Variants in ERICH3 observed in about 807,000 individuals in gnomAD.
ERICH3 encodes glutamate-rich protein 3.
In ERICH3, 126 loss-of-function variants were observed where a neutral mutation model predicts 131.1. That is an observed-to-expected ratio of 0.96 (90% confidence interval 0.83 to 1.11). ERICH3 has a LOEUF of 1.11. ERICH3 is among the 50% of genes most tolerant of loss of function. The pLI is 0.00. For synonymous variants in ERICH3, 695 were observed against 644.6 expected (o/e 1.08, Z -1.18); for missense variants, 2,050 against 1,810.7 (o/e 1.13, Z -2.40).
At chr1:74,580,951 C>T (rs12567994) in intron 12 of ERICH3, among the ~76,000 whole-genome samples, 12,963 of 152,122 alleles carry the variant, frequency 0.085, 692 homozygotes, top group East Asian at 0.22. Context: ...TCTCCAATGG[C>T]TATTGTTGCC....
rs1468572689 is a variant in ERICH3, at chr1:74,571,385, G to C, written c.4325C>G (p.Ser1442Ter). 2.5e-6 allele frequency: 4 copies of C among 1,613,756 alleles called. 1 individual carries two copies. In the Admixed American group the frequency reaches 6.7e-5, roughly 27 times the overall value. Residue 1442 changes from serine to a stop codon, truncating the protein, a stop_gained, in exon 14 of 15, where the codon TCA (serine) becomes TGA (stop). Transcript: ENST00000326665. LOFTEE classifies it high-confidence loss of function. ...GTPGALERKT[S>*]GLGQEQEEGS... ...TTCCTCTTGCTCCTGTCCTAGCCCT[G>C]AGGTCTTCCGCTCCAGGGCTCCTGG...
At chr1:74,574,008 T>TC (rs1647008308) in intron 13 of ERICH3, among the ~76,000 whole-genome samples, 1 of 150,300 alleles carries the variant, frequency 6.7e-6, no homozygotes, top group Admixed American at 6.6e-5. Context: ...TTTTTTTTTT[T>TC]CAGGCAGGGT....
At chr1:74,622,288 C>A (rs1349339836) in intron 7 of ERICH3, 1 of 152,130 alleles carries the variant, frequency 6.6e-6, no homozygotes, top group African/African-American at 2.4e-5. Flanking sequence ...ATTTTCTTGC[C>A]TGTTGGAAGG....
At chr1:74,636,000 T>G (rs1646385644) in intron 6 of ERICH3, among the ~76,000 whole-genome samples, 1 of 152,172 alleles carries the variant, frequency 6.6e-6, no homozygotes, top group Admixed American at 6.5e-5. Flanking sequence ...TTCAGAAAAG[T>G]TTTCCCCTTT....
intron 8 of ERICH3, among the ~76,000 whole-genome samples, chr1:74,614,380 A>C (rs1426595911): frequency 2.0e-5 from 3 of 151,090 alleles, no homozygotes; most frequent in Admixed American, 2.0e-4. Flanking sequence ...AAAAAAAAAA[A>C]AAAAAAAAAC....
intron 10 of ERICH3, 76 bp from the exon 11 acceptor site, chr1:74,600,007 C>A: frequency 1.9e-6 from 2 of 1,034,058 alleles, no homozygotes; most frequent in East Asian, 2.4e-5. Flanking sequence ...CTAATGAGAA[C>A]TTTGACTCCA....
intron 12 of ERICH3, chr1:74,579,879 A>G (rs755380370): frequency 5.0e-5 from 49 of 984,430 alleles, no homozygotes; most frequent in Non-Finnish European, 5.9e-5. Flanking sequence ...GCCAAATGGA[A>G]TTGTCACACA....
intron 6 of ERICH3, among the ~76,000 whole-genome samples, chr1:74,634,311 A>G (rs1646368199): frequency 6.6e-6 from 1 of 152,152 alleles, no homozygotes; most frequent in Non-Finnish European, 1.5e-5. Flanking sequence ...TACCAAGGCC[A>G]TCATAAATGC....
At chr1:74,616,013 T>G (rs568878714) in intron 8 of ERICH3, among the ~76,000 whole-genome samples, 2 of 152,144 alleles carry the variant, frequency 1.3e-5, no homozygotes, top group Admixed American at 1.3e-4. Flanking sequence ...TTTGGTTTTG[T>G]TTTTTTGAGA....
intron 9 of ERICH3, among the ~76,000 whole-genome samples, chr1:74,608,523 C>A (rs1440642366): frequency 5.3e-5 from 8 of 151,998 alleles, no homozygotes; most frequent in Admixed American, 5.3e-4. Flanking sequence ...GAAGATTTCA[C>A]TAAATTTCAG....
chr1:74,638,714 A>G (rs1287924260), intron 5 of ERICH3, among the ~76,000 whole-genome samples: 1 of 152,218 alleles, frequency 6.6e-6, no homozygotes, highest in African/African-American at 2.4e-5. Context: ...AGATGAGAGC[A>G]GAAGTGACAC....
chr1:74,603,544 G>C (rs1483781868), intron 10 of ERICH3, among the ~76,000 whole-genome samples: 1 of 151,758 alleles, frequency 6.6e-6, no homozygotes, highest in Non-Finnish European at 1.5e-5. Flanking sequence ...ATATACACAT[G>C]TAAGTATATA....
intron 9 of ERICH3, among the ~76,000 whole-genome samples, chr1:74,611,967 A>G (rs1449691478): frequency 6.6e-6 from 1 of 152,182 alleles, no homozygotes; most frequent in Non-Finnish European, 1.5e-5. Context: ...CAAATACTTT[A>G]GTTGATTCAC....
intron 11 of ERICH3, among the ~76,000 whole-genome samples, chr1:74,591,516 C>A (rs753767778): frequency 7.9e-5 from 12 of 152,148 alleles, no homozygotes; most frequent in African/African-American, 1.2e-4. Context: ...TAGTCCAGGG[C>A]AGTCCTCTGA....
Position 74,673,633 on chromosome 1 carries a change from C to T in ERICH3, c.-114G>A. 8.2e-7 allele frequency: 1 copy of T among 1,225,648 alleles called. No homozygotes were observed. Among genetic ancestry groups the T allele is most frequent in the South Asian group, 1.5e-5 (1 of 64,662 alleles). 75.9% of individuals were successfully genotyped at this position (1,225,648 alleles called of 1,614,324 possible). A position where few individuals can be genotyped will look rare whatever the true frequency, so the allele number is the denominator to read the frequency against. On this transcript the variant is annotated 5_prime_UTR_variant, in exon 1 of 15. Transcript: ENST00000326665. ...CGAGGGGTGGCTCCGCACCGAGGTC[C>T]CCTGTGCGCGGGCACCTGGGCTGGG...
Position 74,659,619 on chromosome 1 carries a change from G to A in ERICH3, c.24-10304C>T, listed in dbSNP as rs146841481. 2.3e-3 allele frequency among the ~76,000 whole-genome samples: 349 copies of A among 152,306 alleles called. 2 individuals carry two copies. Among genetic ancestry groups the A allele is most frequent in the South Asian group, 6.8e-3 (33 of 4,828 alleles). On this transcript the variant is annotated intron_variant, in intron 1 of 14. Coordinates refer to ENST00000326665, the MANE Select transcript of ERICH3 (RefSeq NM_001002912.5). ...GTACAATCCAACCAATGAAAGAATG[G>A]TAGTGAAGTATAGTGTGCTACAATC... is the stretch of plus-strand genomic sequence containing the variant.
intron 1 of ERICH3, among the ~76,000 whole-genome samples, chr1:74,656,451 G>A (rs992730217): frequency 2.6e-5 from 4 of 152,134 alleles, no homozygotes; most frequent in Admixed American, 6.5e-5. Context: ...TCGCATGGCG[G>A]AAGGTGGAAG....
chr1:74,586,968 A>C (rs1016669623), intron 12 of ERICH3, among the ~76,000 whole-genome samples: 4 of 152,162 alleles, frequency 2.6e-5, no homozygotes, highest in Non-Finnish European at 5.9e-5. Flanking sequence ...TATTGTCTAA[A>C]TATTATTCCA....
At chr1:74,619,930 G>A (rs1649141324) in intron 8 of ERICH3, among the ~76,000 whole-genome samples, 1 of 152,086 alleles carries the variant, frequency 6.6e-6, no homozygotes, top group Non-Finnish European at 1.5e-5. Context: ...AATAGTCACT[G>A]TCTTCAATTA....
Sources: allele counts gnomAD v4.1 joint callset (sites outside exome capture counted in the v4.1 genomes callset), GRCh38; gene constraint gnomAD v4.1.1; transcripts MANE v1.5; gene names NCBI Gene and HGNC (gene_info 2026-07-23, HGNC 2026-07-21).